GLB1: variants seen among roughly 807,000 people sequenced by gnomAD.
GLB1 encodes the protein beta-galactosidase.
Under a neutral mutation model 74.0 loss-of-function variants are expected in GLB1, and 56 were observed. The observed-to-expected ratio is 0.76, with a 90% CI of 0.61 to 0.94. GLB1 has a LOEUF of 0.94. Ranked by LOEUF, GLB1 falls within the 40% of genes least tolerant of loss-of-function variation. The probability of loss-of-function intolerance (pLI) is 0.00; values close to 1 mark genes in which losing one functional copy is unlikely to be tolerated. For synonymous variants in GLB1, 323 were observed against 323.6 expected (o/e 1.00, Z 0.02); for missense variants, 787 against 845.5 (o/e 0.93, Z 0.86).
the GLB1 span, among the ~76,000 whole-genome samples, chr3:32,982,676 T>C: frequency 6.6e-6 from 1 of 152,216 alleles, no homozygotes; most frequent in Non-Finnish European, 1.5e-5. Flanking sequence ...GTCATGAATT[T>C]AATATTTGTT....
At chr3:33,070,469 G>C (rs1474017504) in intron 2 of GLB1, among the ~76,000 whole-genome samples, 1 of 152,174 alleles carries the variant, frequency 6.6e-6, no homozygotes, top group African/African-American at 2.4e-5. Flanking sequence ...CCCCAAGCTA[G>C]TCAGACTTCA....
chr3:33,018,439 G>T lies in GLB1; in HGVS notation c.1347+9C>A, dbSNP rs753804013. ...GGGACAAAACGCACAGTTCAGAGACGATTCTTACCCCATCCACAGCAACAT... is the reference window on the plus strand; with the variant it reads ...GGGACAAAACGCACAGTTCAGAGACTATTCTTACCCCATCCACAGCAACAT... On this transcript the variant is annotated intron_variant, in intron 13 of 15. Transcript: ENST00000307363. 1.2e-6 allele frequency: 2 copies of T among 1,612,606 alleles called. No homozygotes were observed. The highest frequency in any genetic ancestry group is 1.7e-6 in the Non-Finnish European group (2 of 1,179,398).
intron 1 of GLB1, among the ~76,000 whole-genome samples, chr3:33,076,720 A>T (rs1700121698): frequency 6.6e-6 from 1 of 152,256 alleles, no homozygotes; most frequent in South Asian, 2.1e-4. Flanking sequence ...GACTACGTGT[A>T]TATTAACACC....
At chr3:33,073,897 G>A (rs1052718882) in intron 1 of GLB1, among the ~76,000 whole-genome samples, 1 of 151,594 alleles carries the variant, frequency 6.6e-6, no homozygotes. Context: ...GGTGGCACAC[G>A]CCTATGCTCC....
At chr3:33,091,910 C>G in intron 1 of GLB1, 2 of 985,458 alleles carry the variant, frequency 2.0e-6, no homozygotes, top group Non-Finnish European at 2.4e-6. Context: ...GGCAAAAGGG[C>G]AAAAGCACCG....
At chr3:33,056,826 C>T (rs1699242796) in intron 6 of GLB1, among the ~76,000 whole-genome samples, 1 of 152,142 alleles carries the variant, frequency 6.6e-6, no homozygotes, top group South Asian at 2.1e-4. Context: ...TTTAAATAAA[C>T]ACAATATACT....
chr3:33,096,282 C>T, intron 1 of GLB1: 1 of 636,084 alleles, frequency 1.6e-6, no homozygotes, highest in Non-Finnish European at 2.0e-6. Flanking sequence ...TCAGCTCGGA[C>T]GCAGCGAGTG....
chr3:33,076,239 G>A (rs1210292126), intron 1 of GLB1, among the ~76,000 whole-genome samples: 1 of 152,154 alleles, frequency 6.6e-6, no homozygotes, highest in Non-Finnish European at 1.5e-5. Flanking sequence ...TGACACAGAT[G>A]GAGAAAACTG....
At position 33,065,540 on chromosome 3, in the gene GLB1, C is replaced by G; in HGVS notation, c.475G>C (p.Asp159His). The change falls in exon 5 of 16, where the codon GAC (aspartate) becomes CAC (histidine). Residue 159 changes from aspartate (D) to histidine (H), a missense_variant. Asp to His is a moderately conservative substitution (Grantham distance 81). Transcript: ENST00000307363. Reference sequence around the variant, plus strand: ...GGCAGAAGGACTCCCAACCACTTGTCCACAGCTGCCAGGTAATCTGGAAAA... The same window carrying G: ...GGCAGAAGGACTCCCAACCACTTGTGCACAGCTGCCAGGTAATCTGGAAAA... ...SSDPDYLAAV[D>H]KWLGVLLPKM... 1 of 1,578,886 alleles carries G rather than the reference C, an allele frequency of 6.3e-7. No individual in the cohort carries two copies. The highest frequency in any genetic ancestry group is 2.3e-5 in the East Asian group (1 of 44,012).
At chr3:33,048,379 G>T (rs1388433767) in intron 9 of GLB1, among the ~76,000 whole-genome samples, 1 of 152,234 alleles carries the variant, frequency 6.6e-6, no homozygotes, top group Non-Finnish European at 1.5e-5. Context: ...ACTTAAGAGG[G>T]TGTGAGGTGG....
At chr3:33,005,104 C>T (rs1001240713) in intron 15 of GLB1, among the ~76,000 whole-genome samples, 6 of 152,134 alleles carry the variant, frequency 3.9e-5, no homozygotes, top group African/African-American at 1.4e-4. Flanking sequence ...CACCAAGTAG[C>T]TGGGACTGCA....
At chr3:32,996,344 T>C (rs547435925), downstream of GLB1, among the ~76,000 whole-genome samples, 50 of 152,346 alleles carry the variant, frequency 3.3e-4, no homozygotes, top group African/African-American at 1.1e-3. Context: ...AGTTCTTATG[T>C]TGAAACACAC....
chr3:32,991,576 T>C, the GLB1 span, among the ~76,000 whole-genome samples: 1 of 152,246 alleles, frequency 6.6e-6, no homozygotes, highest in Non-Finnish European at 1.5e-5. Context: ...CTTCTGCATC[T>C]AGGCCTTAAA....
Position 33,018,544 on chromosome 3 carries a change from C to T in GLB1, c.1251G>A (p.Leu417=), listed in dbSNP as rs770133205. The change falls in exon 13 of 16, where the codon CTG becomes CTA. Residue 417 remains leucine, a synonymous_variant. Coordinates refer to ENST00000307363, the MANE Select transcript of GLB1 (RefSeq NM_000404.4). The part of the protein sequence containing the change: ...IQVKQHYGFV[L]YRTTLPQDCS... Reference sequence around the variant, plus strand: ...AATCTTGAGGAAGTGTTGTCCGGTACAGCACAAACCCATAATGCTGGTTAG... The same window carrying T: ...AATCTTGAGGAAGTGTTGTCCGGTATAGCACAAACCCATAATGCTGGTTAG... The T allele has an allele frequency of 5.0e-6, 8 of 1,614,056 alleles. No homozygotes were observed. Among genetic ancestry groups the T allele is most frequent in the East Asian group, 2.2e-5 (1 of 44,880 alleles).
chr3:32,980,479 G>A, the GLB1 span, among the ~76,000 whole-genome samples: 1 of 152,180 alleles, frequency 6.6e-6, no homozygotes. Flanking sequence ...GATATGTAAT[G>A]CTTTCTATAT....
intron 10 of GLB1, chr3:33,030,300 C>T (rs987670371): frequency 4.3e-4 from 71 of 166,196 alleles, no homozygotes; most frequent in Non-Finnish European, 7.1e-4. Context: ...TTGATCTTAG[C>T]CAAAAGACTG....
In GLB1 at chr3:33,071,504, C is replaced by T. The variant is rs183104008; in HGVS notation, c.245+1040G>A. Among the ~76,000 whole-genome samples the T allele has an allele frequency of 3.3e-5, 5 of 152,306 alleles. No individual in the cohort carries two copies. In the East Asian group the frequency reaches 9.6e-4, roughly 29 times the overall value. ...GATAATTCTACACCCTGAAGTTATA[C>T]AATTACCGCAGCAGAACCACAAAGC... On this transcript the variant is annotated intron_variant, in intron 2 of 15. Transcript: ENST00000307363.
intron 15 of GLB1, among the ~76,000 whole-genome samples, chr3:33,010,145 T>A (rs1696963683): frequency 6.6e-6 from 1 of 152,218 alleles, no homozygotes; most frequent in East Asian, 1.9e-4. Flanking sequence ...GTAATCTATG[T>A]TTAGCCCTTG....
At chr3:33,066,366 T>A (rs1435517745) in intron 4 of GLB1, among the ~76,000 whole-genome samples, 1 of 152,136 alleles carries the variant, frequency 6.6e-6, no homozygotes, top group African/African-American at 2.4e-5. Context: ...ATGGGACTGG[T>A]GGCTTTATAA....
Sources: allele counts gnomAD v4.1 joint callset (sites outside exome capture counted in the v4.1 genomes callset), GRCh38; gene constraint gnomAD v4.1.1; transcripts MANE v1.5; gene names NCBI Gene and HGNC (gene_info 2026-07-23, HGNC 2026-07-21).